The following CACNA2D2 variants were observed in gnomAD, a reference collection of about 807,000 sequenced individuals.
CACNA2D2 encodes calcium voltage-gated channel auxiliary subunit alpha2delta 2.
CACNA2D2 carries 48 observed loss-of-function variants against 166.4 expected under a neutral mutation model. That is an observed-to-expected ratio of 0.29 (90% confidence interval 0.23 to 0.37). The LOEUF (loss-of-function observed/expected upper bound fraction) is 0.37. Ranked by LOEUF, CACNA2D2 falls within the 10% of genes least tolerant of loss-of-function variation. The pLI is 1.00. For missense variants in CACNA2D2, 1,122 were observed against 1,433.0 expected, an observed-to-expected ratio of 0.78 and a Z score of 3.50; for synonymous variants, 561 against 573.7, an observed-to-expected ratio of 0.98 and a Z score of 0.32.
chr3:50,437,586 G>A (rs1456719180), intron 2 of CACNA2D2, among the ~76,000 whole-genome samples: 2 of 152,152 alleles, frequency 1.3e-5, no homozygotes, highest in Non-Finnish European at 2.9e-5. Context: ...CTTCTAGGGT[G>A]GGCCCTGAGC....
rs753334859 is a variant in CACNA2D2, at chr3:50,379,714, T to C, written c.993+11A>G. The C allele has an allele frequency of 6.8e-6, 11 of 1,613,440 alleles. No individual in the cohort carries two copies. Among genetic ancestry groups the C allele is most frequent in the Admixed American group, 1.7e-5 (1 of 60,032 alleles). ...GACCCATTTCACCCCGTCTGCCACC[T>C]TGGCACTCACCGAGGCCACATTCAC... On this transcript the variant is annotated intron_variant, in intron 10 of 37. Coordinates refer to ENST00000424201, the MANE Select transcript of CACNA2D2 (RefSeq NM_006030.4). The surrounding 1 kb of genome is among the most constrained non-coding windows in gnomAD (Gnocchi z 6.5).
chr3:50,387,135 A>T (rs1209261595), intron 5 of CACNA2D2, among the ~76,000 whole-genome samples: 1 of 152,112 alleles, frequency 6.6e-6, no homozygotes, highest in Non-Finnish European at 1.5e-5. Flanking sequence ...GGGTCTGATG[A>T]TGGGCCAGGC....
At position 50,398,132 on chromosome 3, in the gene CACNA2D2, C is replaced by T. The variant is rs150403536; in HGVS notation, c.406-3964G>A. ...GAGGGAAGAACCTATTGGGATACCA[C>T]GCAGGGCAGGGACAGGGTGCCTGTC... On this transcript the variant is annotated intron_variant, in intron 3 of 37. Transcript: ENST00000424201. Among the ~76,000 whole-genome samples, 741 of 152,292 alleles carry T rather than the reference C, an allele frequency of 4.9e-3. 9 individuals are homozygous for T. Among genetic ancestry groups the T allele is most frequent in the African/African-American group, 0.016 (666 of 41,568 alleles).
intron 4 of CACNA2D2, among the ~76,000 whole-genome samples, chr3:50,391,965 G>A (rs942879006): frequency 2.0e-5 from 3 of 152,312 alleles, no homozygotes; most frequent in African/African-American, 7.2e-5. Flanking sequence ...AGGGAGTCCT[G>A]GGCAGACATC....
Position 50,365,530 on chromosome 3 carries a change from G to A in CACNA2D2, c.2972-48C>T, listed in dbSNP as rs1395946360. The stretch of plus-strand genomic sequence containing the variant: ...AGCTCCGCCCACAGACCCTGGCAAG[G>A]TCTCCGGCCTCCCTCAGTCGTAGAC... On this transcript the variant is annotated intron_variant, in intron 34 of 37. Coordinates refer to ENST00000424201, the MANE Select transcript of CACNA2D2 (RefSeq NM_006030.4). The surrounding 1 kb of genome is among the most constrained non-coding windows in gnomAD (Gnocchi z 4.5). 7 of 1,604,712 alleles carry A rather than the reference G, an allele frequency of 4.4e-6. No homozygotes were observed. In the African/African-American group the frequency reaches 9.4e-5, roughly 21 times the overall value.
chr3:50,412,880 C>T (rs1707086459), intron 3 of CACNA2D2, among the ~76,000 whole-genome samples: 1 of 152,184 alleles, frequency 6.6e-6, no homozygotes, highest in South Asian at 2.1e-4. Context: ...AGATGTCTGG[C>T]ACCATCTCAG....
In CACNA2D2 at chr3:50,378,342, G is replaced by A; in HGVS notation, c.1340-9C>T. 6.4e-7 allele frequency: 1 copy of A among 1,551,548 alleles called. No homozygotes were observed. Among genetic ancestry groups the A allele is most frequent in the Non-Finnish European group, 8.7e-7 (1 of 1,147,086 alleles). On this transcript the variant is annotated splice_polypyrimidine_tract_variant and intron_variant, in intron 13 of 37. Coordinates refer to ENST00000424201, the MANE Select transcript of CACNA2D2 (RefSeq NM_006030.4). ...GATCTCAAAATAGTAGCCTGTGAAG[G>A]AAGGAGAGGCAGAGGTGGGCCTGGC...
In CACNA2D2 at chr3:50,367,751, C is replaced by T; in HGVS notation, c.2235-47G>A. The T allele has an allele frequency of 3.1e-6, 5 of 1,612,330 alleles. No individual in the cohort carries two copies. Among genetic ancestry groups the T allele is most frequent in the Non-Finnish European group, 4.2e-6 (5 of 1,178,878 alleles). On this transcript the variant is annotated intron_variant, in intron 25 of 37. Coordinates refer to ENST00000424201, the MANE Select transcript of CACNA2D2 (RefSeq NM_006030.4). The surrounding 1 kb of genome is among the most constrained non-coding windows in gnomAD (Gnocchi z 6.5). ...GGTCACAGGCCTGCCTTCTGCTGGG[C>T]AGGTCCAGGGCCTCTGGGCCCATCC...
At position 50,434,412 on chromosome 3, in the gene CACNA2D2, C is replaced by T. The variant is rs547024561; in HGVS notation, c.306G>A (p.Arg102=). 1 of 1,614,076 alleles carries T rather than the reference C, an allele frequency of 6.2e-7. No homozygotes were observed. Among genetic ancestry groups the T allele is most frequent in the East Asian group, 2.2e-5 (1 of 44,886 alleles). The change falls in exon 3 of 38, where the codon CGG becomes CGA. Residue 102 remains arginine, a synonymous_variant. Transcript: ENST00000424201. The part of the protein sequence containing the change: ...QQLREIYKDN[R]NLFEVQENEP... ...CATTCTCCTGTACCTCGAACAGGTT[C>T]CGGTTGTCCTTGTAAATCTGGAAGG...
In CACNA2D2 at chr3:50,487,060, T is replaced by C. The variant is rs144503022; in HGVS notation, c.207-10861A>G. 8.0e-3 allele frequency among the ~76,000 whole-genome samples: 1,211 copies of C among 152,298 alleles called. 18 individuals are homozygous for C. Among genetic ancestry groups the C allele is most frequent in the African/African-American group, 0.026 (1,100 of 41,554 alleles). On this transcript the variant is annotated intron_variant, in intron 1 of 37. Transcript: ENST00000424201. ...CAGGCGCAGGCCAGTTCATGCCCAC[T>C]TCACGGATGAGCACTCTGAGGCCTG...
At chr3:50,387,010 C>G (rs587673700) in intron 5 of CACNA2D2, among the ~76,000 whole-genome samples, 1 of 152,258 alleles carries the variant, frequency 6.6e-6, no homozygotes, top group Admixed American at 6.5e-5. Context: ...GCAGCCCGGG[C>G]GGACTTGAGC....
intron 2 of CACNA2D2, among the ~76,000 whole-genome samples, chr3:50,464,482 G>A (rs1267104475): frequency 6.6e-6 from 1 of 152,178 alleles, no homozygotes; most frequent in Non-Finnish European, 1.5e-5. Flanking sequence ...GCCTCAATCT[G>A]GTGGCCCTGT....
intron 1 of CACNA2D2, among the ~76,000 whole-genome samples, chr3:50,499,150 G>A (rs1698851499): frequency 6.6e-6 from 1 of 152,212 alleles, no homozygotes; most frequent in African/African-American, 2.4e-5. Context: ...ATGTGGGTGG[G>A]CACAGCCTGA....
At chr3:50,497,666 A>G (rs1057111098) in intron 1 of CACNA2D2, among the ~76,000 whole-genome samples, 3 of 152,152 alleles carry the variant, frequency 2.0e-5, no homozygotes, top group Non-Finnish European at 4.4e-5. Flanking sequence ...TTTGAATGAC[A>G]GAATCTTGAC....
rs371804166 is a variant in CACNA2D2 at position 50,433,363 on chromosome 3, GT to G, written c.405+949del. Among the ~76,000 whole-genome samples the G allele has an allele frequency of 7.4e-3, 1,100 of 148,170 alleles. 15 individuals carry two copies. The highest frequency in any genetic ancestry group is 0.025 in the African/African-American group (994 of 40,476). On this transcript the variant is annotated intron_variant, in intron 3 of 37. Coordinates refer to ENST00000424201, the MANE Select transcript of CACNA2D2 (RefSeq NM_006030.4). ...CTTTATTCCGTTTTTTTTGTTGTTTGTTTTTTTTTTAAAGAGATGAGGTTTT... is the reference window on the plus strand; with the variant it reads ...CTTTATTCCGTTTTTTTTGTTGTTTGTTTTTTTTTAAAGAGATGAGGTTTT...
At chr3:50,399,007 C>T (rs1456983848) in intron 3 of CACNA2D2, among the ~76,000 whole-genome samples, 1 of 152,218 alleles carries the variant, frequency 6.6e-6, no homozygotes, top group Non-Finnish European at 1.5e-5. Context: ...CAGGCAAGAA[C>T]CTGAGATCAG....
intron 4 of CACNA2D2, among the ~76,000 whole-genome samples, chr3:50,392,478 G>A (rs556042054): frequency 2.0e-5 from 3 of 152,314 alleles, no homozygotes; most frequent in African/African-American, 7.2e-5. Context: ...CAGGGAGGCA[G>A]ATGAACAAGG....
chr3:50,394,416 C>G (rs985971706), intron 3 of CACNA2D2, among the ~76,000 whole-genome samples: 3 of 152,216 alleles, frequency 2.0e-5, no homozygotes, highest in African/African-American at 7.2e-5. Flanking sequence ...CCAGGGGCAT[C>G]TCCATGGGAC....
chr3:50,400,857 A>G (rs1356427925), intron 3 of CACNA2D2, among the ~76,000 whole-genome samples: 1 of 152,192 alleles, frequency 6.6e-6, no homozygotes, highest in African/African-American at 2.4e-5. Context: ...ACTAATTATT[A>G]TAAGACAAGG....
Sources: allele counts gnomAD v4.1 joint callset (sites outside exome capture counted in the v4.1 genomes callset), GRCh38; gene constraint gnomAD v4.1.1; non-coding constraint Gnocchi (gnomAD v3.1); transcripts MANE v1.5; gene names NCBI Gene and HGNC (gene_info 2026-07-23, HGNC 2026-07-21).